Variants in AP3B1 observed in about 807,000 individuals in gnomAD.
AP3B1 encodes AP-3 complex subunit beta-1.
Under a neutral mutation model 132.5 loss-of-function variants are expected in AP3B1, and 61 were observed. The ratio of observed to expected loss-of-function variants is 0.46; its 90% CI spans 0.37 to 0.57. The LOEUF is 0.57. Ranked by LOEUF, AP3B1 falls within the 20% of genes least tolerant of loss-of-function variation. The pLI, the probability that AP3B1 is intolerant of heterozygous loss-of-function variation, is 0.00. For missense variants in AP3B1, 1,120 were observed against 1,289.4 expected, an observed-to-expected ratio of 0.87 and a Z score of 2.01; for synonymous variants, 388 against 438.3, an observed-to-expected ratio of 0.89 and a Z score of 1.43.
chr5:78,063,595 T>C (rs1263674430), intron 22 of AP3B1, among the ~76,000 whole-genome samples: 1 of 152,224 alleles, frequency 6.6e-6, no homozygotes, highest in African/African-American at 2.4e-5. Context: ...ATGGTAAATA[T>C]TTGATTGAAT....
chr5:78,162,958 G>A lies in AP3B1; in HGVS notation c.1231-7C>T, dbSNP rs1357038044. ...CCTGGCTTTTCACATAGGTCTAAAA[G>A]ATATTATTTCAATTAGTTTACACAC... On this transcript the variant is annotated splice_region_variant and splice_polypyrimidine_tract_variant and intron_variant, in intron 12 of 26. Transcript: ENST00000255194. 6 of 1,612,558 alleles carry A rather than the reference G, an allele frequency of 3.7e-6. 1 individual carries two copies. The South Asian group carries it at 6.6e-5, about 18-fold the overall frequency.
chr5:78,154,986 ATT>A (rs1743088198), intron 14 of AP3B1, among the ~76,000 whole-genome samples: 1 of 151,826 alleles, frequency 6.6e-6, no homozygotes, highest in Admixed American at 6.6e-5. Flanking sequence ...GTGAGGCCAT[ATT>A]TTCCTGGATG....
At chr5:78,014,291 G>A (rs891811613) in intron 26 of AP3B1, among the ~76,000 whole-genome samples, 2 of 151,882 alleles carry the variant, frequency 1.3e-5, no homozygotes, top group Non-Finnish European at 2.9e-5. Flanking sequence ...GTACAGTGAA[G>A]TTAGGCAACT....
In AP3B1 at chr5:78,152,753, CAT is replaced by C. The variant is rs371253121; in HGVS notation, c.1473+3503_1473+3504del. 1.8e-4 allele frequency among the ~76,000 whole-genome samples: 27 copies of C among 152,252 alleles called. No homozygotes were observed. The East Asian group carries it at 2.5e-3, about 14-fold the overall frequency. On this transcript the variant is annotated intron_variant, in intron 14 of 26. Transcript: ENST00000255194. ...TTAGTATGTTGTGTTTCCATCATCA[CAT>C]GTTTCAAGAAATTTTTCAATGTCCT...
At chr5:78,259,741 G>A (rs1039219058) in intron 2 of AP3B1, among the ~76,000 whole-genome samples, 2 of 152,192 alleles carry the variant, frequency 1.3e-5, no homozygotes, top group African/African-American at 4.8e-5. Context: ...GCCAAGGTGG[G>A]CGGATTACTT....
At chr5:78,194,584 C>T (rs1745002972) in intron 7 of AP3B1, among the ~76,000 whole-genome samples, 1 of 152,040 alleles carries the variant, frequency 6.6e-6, no homozygotes, top group African/African-American at 2.4e-5. Context: ...AGACAGAAAA[C>T]ATTACTTCTA....
intron 15 of AP3B1, among the ~76,000 whole-genome samples, chr5:78,140,337 T>C (rs1753092525): frequency 1.3e-5 from 2 of 152,176 alleles, no homozygotes; most frequent in South Asian, 4.1e-4. Context: ...CTGCAAAATG[T>C]CTTAGTCCAT....
intron 21 of AP3B1, among the ~76,000 whole-genome samples, chr5:78,091,981 A>C (rs1750535299): frequency 6.6e-6 from 1 of 152,246 alleles, no homozygotes; most frequent in African/African-American, 2.4e-5. Context: ...AATATTGACA[A>C]GGTCATAAAA....
At chr5:78,071,892 G>C (rs956965220) in intron 22 of AP3B1, among the ~76,000 whole-genome samples, 1 of 152,126 alleles carries the variant, frequency 6.6e-6, no homozygotes, top group Non-Finnish European at 1.5e-5. Flanking sequence ...TTTAGAGCTG[G>C]AAGGGACTCT....
intron 1 of AP3B1, among the ~76,000 whole-genome samples, chr5:78,293,631 C>T (rs970657538): frequency 4.6e-5 from 7 of 151,820 alleles, no homozygotes; most frequent in African/African-American, 1.7e-4. Context: ...ATTATGTGAC[C>T]CTATTGCTTA....
chr5:78,109,473 A>G (rs189258021), intron 20 of AP3B1, among the ~76,000 whole-genome samples: 4 of 152,288 alleles, frequency 2.6e-5, no homozygotes, highest in African/African-American at 9.6e-5. Flanking sequence ...TTTTCAACAA[A>G]CAGAATAACA....
At chr5:78,087,960 C>A (rs1366283369) in intron 22 of AP3B1, among the ~76,000 whole-genome samples, 1 of 152,152 alleles carries the variant, frequency 6.6e-6, no homozygotes, top group African/African-American at 2.4e-5. Context: ...AGATAGTATT[C>A]TCTTAGGAAA....
intron 22 of AP3B1, among the ~76,000 whole-genome samples, chr5:78,064,280 T>G (rs911795678): frequency 2.0e-5 from 3 of 152,010 alleles, no homozygotes; most frequent in Admixed American, 6.6e-5. Context: ...TATATACGCA[T>G]GTTTAGAGAT....
chr5:78,213,265 A>G (rs1021205968), intron 7 of AP3B1, among the ~76,000 whole-genome samples: 30 of 152,248 alleles, frequency 2.0e-4, no homozygotes, highest in Non-Finnish European at 2.9e-5. Flanking sequence ...GAAAGCACTG[A>G]AGACTATAAA....
At chr5:78,168,988 T>A (rs1232471701) in intron 11 of AP3B1, among the ~76,000 whole-genome samples, 1 of 152,192 alleles carries the variant, frequency 6.6e-6, no homozygotes, top group Non-Finnish European at 1.5e-5. Flanking sequence ...TTCATATGAA[T>A]AATACATCAT....
At chr5:78,225,419 T>C in intron 6 of AP3B1, 123 bp downstream of exon 6, 3 of 522,886 alleles carry the variant, frequency 5.7e-6, no homozygotes, top group Non-Finnish European at 9.8e-6. Flanking sequence ...TAGTCCTGTG[T>C]GCCATTAATA....
At chr5:78,067,671 G>A (rs1274014531) in intron 22 of AP3B1, among the ~76,000 whole-genome samples, 1 of 151,852 alleles carries the variant, frequency 6.6e-6, no homozygotes, top group African/African-American at 2.4e-5. Flanking sequence ...TTGACTCCTG[G>A]GTAAAAAATT....
chr5:78,208,734 T>C (rs1232081150), intron 7 of AP3B1, among the ~76,000 whole-genome samples: 2 of 152,172 alleles, frequency 1.3e-5, no homozygotes, highest in African/African-American at 4.8e-5. Context: ...TAAAATAATA[T>C]TTGGAGAATA....
At chr5:78,003,141 CTT>C in intron 26 of AP3B1, 86 bp from the exon 27 acceptor site, 1 of 1,460,660 alleles carries the variant, frequency 6.8e-7, no homozygotes, top group Non-Finnish European at 9.4e-7. Flanking sequence ...TAAAATAACT[CTT>C]TTTTGTCAAA....
Sources: allele counts gnomAD v4.1 joint callset (sites outside exome capture counted in the v4.1 genomes callset), GRCh38; gene constraint gnomAD v4.1.1; transcripts MANE v1.5; gene names NCBI Gene and HGNC (gene_info 2026-07-23, HGNC 2026-07-21).